SNAP25: variants seen among roughly 807,000 people sequenced by gnomAD.
SNAP25 encodes synaptosome associated protein 25.
Under a neutral mutation model 28.7 loss-of-function variants are expected in SNAP25, and 3 were observed. The observed-to-expected ratio is 0.10, with a 90% CI of 0.05 to 0.27. The LOEUF (loss-of-function observed/expected upper bound fraction) is 0.27, where lower values mean the gene tolerates loss of function less well. Among genes scored for constraint, SNAP25 ranks in the 10% least tolerant of loss-of-function variants. SNAP25 has a pLI of 1.00. For synonymous variants in SNAP25, 61 were observed against 88.1 expected, an observed-to-expected ratio of 0.69 and a Z score of 1.72; for missense variants, 117 against 278.7, an observed-to-expected ratio of 0.42 and a Z score of 4.13.
intron 3 of SNAP25, among the ~76,000 whole-genome samples, chr20:10,281,085 A>T (rs1201795771): frequency 6.6e-6 from 1 of 152,200 alleles, no homozygotes; most frequent in Non-Finnish European, 1.5e-5. Flanking sequence ...AAATTTTTTT[A>T]AAAATTAAAA....
At position 10,223,669 on chromosome 20, in the gene SNAP25, TA is replaced by T. The variant is rs141054718; in HGVS notation, c.-64+4702del. On this transcript the variant is annotated intron_variant, in intron 1 of 7. Coordinates refer to ENST00000254976, the MANE Select transcript of SNAP25 (RefSeq NM_130811.4). The stretch of plus-strand genomic sequence containing the variant: ...AGGACATGATGAGGGGACAAAAAGT[TA>T]AAAAAAAAAGTCTTACAAGAGGAAA... Among the ~76,000 whole-genome samples, 32 of 147,334 alleles carry T rather than the reference TA, an allele frequency of 2.2e-4. 1 individual carries two copies. Among genetic ancestry groups the T allele is most frequent in the East Asian group, 5.9e-4 (3 of 5,046 alleles).
chr20:10,229,230 C>T (rs1036799780), intron 1 of SNAP25, among the ~76,000 whole-genome samples: 1 of 152,070 alleles, frequency 6.6e-6, no homozygotes, highest in Non-Finnish European at 1.5e-5. Flanking sequence ...CTGTTGGCTT[C>T]ATTTTATATT....
At chr20:10,272,186 C>G (rs1195432821) in intron 1 of SNAP25, among the ~76,000 whole-genome samples, 1 of 152,170 alleles carries the variant, frequency 6.6e-6, no homozygotes, top group African/African-American at 2.4e-5. Context: ...ATTAGTGAGG[C>G]TTTCTGAATA....
chr20:10,246,577 A>G (rs983920285), intron 1 of SNAP25, among the ~76,000 whole-genome samples: 9 of 152,150 alleles, frequency 5.9e-5, no homozygotes, highest in African/African-American at 2.2e-4. Context: ...CTCAGCCACA[A>G]TGCACACACA....
At position 10,299,254 on chromosome 20, in the gene SNAP25, T is replaced by C; in HGVS notation, c.408-14T>C. 6.2e-7 allele frequency: 1 copy of C among 1,613,160 alleles called. No individual in the cohort carries two copies. The highest frequency in any genetic ancestry group is 1.1e-5 in the South Asian group (1 of 91,016). On this transcript the variant is annotated splice_polypyrimidine_tract_variant and intron_variant, in intron 6 of 7. Transcript: ENST00000254976. ...CCACCCTCTGTCTTCTAAAACTTGC[T>C]CTTTGGATCCCAGGGTAACAAATGA...
At chr20:10,258,031 T>A (rs7263944) in intron 1 of SNAP25, among the ~76,000 whole-genome samples, 5,280 of 152,304 alleles carry the variant, frequency 0.035, 316 homozygotes, top group African/African-American at 0.12. Context: ...ACATCTTTCA[T>A]TTGACATACT....
chr20:10,303,558 G>T (rs191301375), intron 7 of SNAP25, among the ~76,000 whole-genome samples: 1 of 152,158 alleles, frequency 6.6e-6, no homozygotes, highest in Non-Finnish European at 1.5e-5. Flanking sequence ...ACCACAATAG[G>T]TACAAAGCTG....
chr20:10,244,560 G>A (rs1344265674), intron 1 of SNAP25, among the ~76,000 whole-genome samples: 1 of 152,040 alleles, frequency 6.6e-6, no homozygotes, highest in Non-Finnish European at 1.5e-5. Context: ...TTTGAATGTA[G>A]GCAGTTCGAC....
chr20:10,269,967 A>T (rs2063564619), intron 1 of SNAP25, among the ~76,000 whole-genome samples: 1 of 152,086 alleles, frequency 6.6e-6, no homozygotes, highest in African/African-American at 2.4e-5. Context: ...TAACTATAGG[A>T]CTCCAGCCCG....
chr20:10,252,395 T>G (rs1279365483), intron 1 of SNAP25, among the ~76,000 whole-genome samples: 1 of 152,224 alleles, frequency 6.6e-6, no homozygotes, highest in Admixed American at 6.5e-5. Flanking sequence ...GGGATTATCT[T>G]TTCTACCACA....
intron 4 of SNAP25, among the ~76,000 whole-genome samples, chr20:10,285,893 G>C (rs547569600): frequency 6.6e-6 from 1 of 152,284 alleles, no homozygotes; most frequent in African/African-American, 2.4e-5. Context: ...TTTAAAAAAT[G>C]ATAATAACCA....
intron 1 of SNAP25, among the ~76,000 whole-genome samples, chr20:10,252,263 G>A (rs889157871): frequency 6.6e-6 from 1 of 152,218 alleles, no homozygotes. Context: ...GATCAAGTCA[G>A]TTCACAGAGT....
chr20:10,237,958 A>G (rs1384814139), intron 1 of SNAP25, among the ~76,000 whole-genome samples: 1 of 151,796 alleles, frequency 6.6e-6, no homozygotes, highest in Non-Finnish European at 1.5e-5. Flanking sequence ...CTGTTCCTTT[A>G]TCTCTTGTTT....
At chr20:10,299,483 G>T (rs2123160284) in intron 7 of SNAP25, 71 bp downstream of exon 7, 3 of 1,477,414 alleles carry the variant, frequency 2.0e-6, no homozygotes, top group Non-Finnish European at 1.8e-6. Context: ...AGTGTGAAGG[G>T]CATAACAAGA....
intron 1 of SNAP25, among the ~76,000 whole-genome samples, chr20:10,236,466 G>C (rs1235337336): frequency 6.6e-6 from 1 of 152,120 alleles, no homozygotes; most frequent in African/African-American, 2.4e-5. Context: ...TTTCACTTGA[G>C]CCTGTCTTGG....
At chr20:10,263,251 C>T (rs1405142605) in intron 1 of SNAP25, among the ~76,000 whole-genome samples, 20 of 151,880 alleles carry the variant, frequency 1.3e-4, no homozygotes, top group Admixed American at 1.3e-3. Context: ...GATCTCCTGA[C>T]CTCATGATCC....
Position 10,284,759 on chromosome 20 carries a change from G to A in SNAP25, c.150G>A (p.Leu50=). ...KDAGIRTLVM[L]DEQGEQLERI... is the part of the protein sequence containing the mutation. ...CTGGTATCAGGACTTTGGTTATGTTGGATGAACAAGGAGGTAAGTTCAGAT... is the reference window on the plus strand; with the variant it reads ...CTGGTATCAGGACTTTGGTTATGTTAGATGAACAAGGAGGTAAGTTCAGAT... The change falls in exon 4 of 8, where the codon TTG becomes TTA. Residue 50 remains leucine (L), a synonymous_variant. Transcript: ENST00000254976. The A allele has an allele frequency of 6.2e-7, 1 of 1,612,512 alleles. No individual in the cohort carries two copies. The highest frequency in any genetic ancestry group is 8.5e-7 in the Non-Finnish European group (1 of 1,178,850).
chr20:10,272,802 T>G (rs1044341025), intron 1 of SNAP25, among the ~76,000 whole-genome samples: 5 of 152,162 alleles, frequency 3.3e-5, no homozygotes, highest in African/African-American at 1.2e-4. Context: ...AGTGGTAGAA[T>G]AAGGCAACCC....
At chr20:10,253,978 A>G (rs1406292189) in intron 1 of SNAP25, among the ~76,000 whole-genome samples, 1 of 152,110 alleles carries the variant, frequency 6.6e-6, no homozygotes, top group African/African-American at 2.4e-5. Context: ...GAGCCCACAG[A>G]TGGCTTACCA....
Sources: allele counts gnomAD v4.1 joint callset (sites outside exome capture counted in the v4.1 genomes callset), GRCh38; gene constraint gnomAD v4.1.1; transcripts MANE v1.5; gene names NCBI Gene and HGNC (gene_info 2026-07-23, HGNC 2026-07-21).